Variants in OPA1 observed in about 807,000 individuals in gnomAD.
The protein encoded by OPA1 is OPA1 mitochondrial dynamin like GTPase.
Under a neutral mutation model 152.9 loss-of-function variants are expected in OPA1, and 59 were observed. The observed-to-expected ratio is 0.39, with a 90% confidence interval of 0.31 to 0.48. The LOEUF (loss-of-function observed/expected upper bound fraction) is 0.48, where lower values mean the gene tolerates loss of function less well. OPA1 is among the 20% of genes least tolerant of loss of function. OPA1 has a pLI of 0.96. For missense variants in OPA1, 1,008 were observed against 1,216.8 expected (o/e 0.83, Z 2.55); for synonymous variants, 400 against 389.9 (o/e 1.03, Z -0.31).
intron 29 of OPA1, among the ~76,000 whole-genome samples, chr3:193,688,124 C>T (rs1431154785): frequency 6.6e-6 from 1 of 152,132 alleles, no homozygotes; most frequent in Non-Finnish European, 1.5e-5. Context: ...ATGAAGCCAG[C>T]TAAGTTAGTT....
At chr3:193,654,378 C>T (rs1019304527) in intron 21 of OPA1, among the ~76,000 whole-genome samples, 1 of 151,994 alleles carries the variant, frequency 6.6e-6, no homozygotes, top group Non-Finnish European at 1.5e-5. Context: ...CACCTGTAGT[C>T]CCACCTACTC....
At chr3:193,605,836 C>T (rs1727170669) in intron 1 of OPA1, among the ~76,000 whole-genome samples, 1 of 152,156 alleles carries the variant, frequency 6.6e-6, no homozygotes, top group Non-Finnish European at 1.5e-5. Context: ...ACCTCTGGAA[C>T]TTGATTTGAA....
chr3:193,666,480 C>G, intron 28 of OPA1, 91 bp downstream of exon 28: 1 of 1,047,452 alleles, frequency 9.5e-7, no homozygotes, highest in Non-Finnish European at 1.5e-6. Flanking sequence ...AAAATACTTC[C>G]CAAAAGTAGA....
chr3:193,601,759 A>G (rs1236479761), intron 1 of OPA1, among the ~76,000 whole-genome samples: 1 of 152,202 alleles, frequency 6.6e-6, no homozygotes, highest in Non-Finnish European at 1.5e-5. Flanking sequence ...GGTGTGATCG[A>G]CTTTATCAGT....
chr3:193,622,821 T>G (rs1560340461), intron 6 of OPA1, among the ~76,000 whole-genome samples: 2 of 152,188 alleles, frequency 1.3e-5, no homozygotes, highest in Admixed American at 6.5e-5. Flanking sequence ...ATCAGTTGAT[T>G]GATTTAACTC....
intron 11 of OPA1, 105 bp from the exon 12 acceptor site, chr3:193,642,660 T>C (rs1196727598): frequency 2.8e-5 from 24 of 845,190 alleles, no homozygotes; most frequent in Non-Finnish European, 4.7e-5. Flanking sequence ...GAAGGGACTC[T>C]TGGATTTGTG....
Position 193,682,551 on chromosome 3 carries a change from C to G in OPA1, c.2984-9512C>G, listed in dbSNP as rs551946095. Among the ~76,000 whole-genome samples, 9 of 152,200 alleles carry G rather than the reference C, an allele frequency of 5.9e-5. No individual in the cohort carries two copies. The East Asian group carries it at 1.5e-3, about 26-fold the overall frequency. The stretch of plus-strand genomic sequence containing the variant: ...TTCGAGGCTTCGAAAGAGAGGCTAT[C>G]CCCTCATTTTGGGTGCCAATGCAGC... On this transcript the variant is annotated intron_variant, in intron 29 of 30. Coordinates refer to ENST00000361510, the MANE Select transcript of OPA1 (RefSeq NM_130837.3).
chr3:193,620,357 C>T (rs997557983), intron 6 of OPA1, among the ~76,000 whole-genome samples: 11 of 152,098 alleles, frequency 7.2e-5, no homozygotes, highest in African/African-American at 2.4e-4. Flanking sequence ...CCTTAAAACC[C>T]GGCTAAGGTC....
rs1716206301 is a variant in OPA1 at position 193,665,081 on chromosome 3, A to G, written c.2778+85A>G. 4 of 768,992 alleles carry G rather than the reference A, an allele frequency of 5.2e-6. 1 individual carries two copies. Among genetic ancestry groups the G allele is most frequent in the South Asian group, 4.5e-5 (3 of 67,242 alleles). 47.6% of individuals were successfully genotyped at this position (768,992 alleles called of 1,614,324 possible). ...AAAGTAAACTTTAGCTTAAGCATTA[A>G]TTTTAAGTCCTTTGATCATCTGGGG... On this transcript the variant is annotated intron_variant, in intron 27 of 30. Coordinates refer to ENST00000361510, the MANE Select transcript of OPA1 (RefSeq NM_130837.3).
chr3:193,617,322 A>G, intron 4 of OPA1, 37 bp downstream of exon 4: 1 of 1,276,120 alleles, frequency 7.8e-7, no homozygotes, highest in Non-Finnish European at 1.1e-6. Context: ...TTAAAAATTT[A>G]AGAACCATGG....
chr3:193,638,160 G>C (rs1733224458), intron 11 of OPA1, 95 bp downstream of exon 11: 1 of 869,570 alleles, frequency 1.1e-6, no homozygotes, highest in African/African-American at 1.6e-5. Context: ...TTTAACCAAA[G>C]AAAGACTTGA....
chr3:193,647,004 A>G, intron 18 of OPA1, 61 bp from the exon 19 acceptor site: 1 of 1,017,814 alleles, frequency 9.8e-7, no homozygotes, highest in Non-Finnish European at 1.5e-6. Flanking sequence ...ACTTGGTGGT[A>G]GTATTGTTGT....
intron 1 of OPA1, among the ~76,000 whole-genome samples, chr3:193,610,994 G>A (rs750762122): frequency 2.6e-5 from 4 of 152,296 alleles, no homozygotes; most frequent in East Asian, 1.9e-4. Context: ...TGGGTGAGGC[G>A]ATGCCTCGCC....
At chr3:193,634,537 C>T (rs1215297727) in intron 8 of OPA1, among the ~76,000 whole-genome samples, 1 of 151,922 alleles carries the variant, frequency 6.6e-6, no homozygotes, top group Non-Finnish European at 1.5e-5. Context: ...CCTGCCTCAG[C>T]CTCCCTAGTA....
At chr3:193,617,628 TAGACCA>T (rs1379947656) in intron 4 of OPA1, among the ~76,000 whole-genome samples, 150 bp from the exon 5 acceptor site, 3 of 152,242 alleles carry the variant, frequency 2.0e-5, no homozygotes, top group Non-Finnish European at 4.4e-5. Flanking sequence ...TTAAGTATGA[TAGACCA>T]TAATGAGTAG....
Position 193,648,879 on chromosome 3 carries a change from T to A in OPA1, c.2012+8T>A, listed in dbSNP as rs1386526552. The A allele has an allele frequency of 6.5e-7, 1 of 1,547,738 alleles. No individual in the cohort carries two copies. The highest frequency in any genetic ancestry group is 1.7e-5 in the Admixed American group (1 of 59,930). ...GGTTACACCAAAACATTGGTAAGTA[T>A]TTGATATTAATCTCTTTTCTGAAAG... On this transcript the variant is annotated splice_region_variant and intron_variant, in intron 21 of 30. Transcript: ENST00000361510.
intron 29 of OPA1, chr3:193,691,530 CT>C (rs1217331169): frequency 2.0e-5 from 3 of 152,162 alleles, no homozygotes; most frequent in Non-Finnish European, 2.9e-5. Flanking sequence ...CTTCCTTTGT[CT>C]TTTAATTTTA....
intron 29 of OPA1, among the ~76,000 whole-genome samples, chr3:193,673,669 G>A (rs1718404679): frequency 6.6e-6 from 1 of 152,142 alleles, no homozygotes; most frequent in African/African-American, 2.4e-5. Context: ...GAGGCTTTTT[G>A]TTGAGCTGGA....
intron 16 of OPA1, among the ~76,000 whole-genome samples, chr3:193,644,339 A>G (rs1221329772): frequency 6.6e-6 from 1 of 152,174 alleles, no homozygotes; most frequent in Non-Finnish European, 1.5e-5. Context: ...TCTACTGGGC[A>G]CATTTAATTC....
Sources: gnomAD v4.1 joint callset for allele counts (sites outside exome capture counted in the v4.1 genomes callset) on GRCh38, gnomAD v4.1.1 for gene constraint, MANE v1.5 for transcripts, NCBI Gene and HGNC (gene_info 2026-07-23, HGNC 2026-07-21) for gene names.